Variants in CGN observed in about 807,000 individuals in gnomAD.
The protein encoded by CGN is cingulin.
CGN carries 121 observed loss-of-function variants against 157.1 expected under a neutral mutation model. That is an observed-to-expected ratio of 0.77 (90% CI 0.66 to 0.90). The LOEUF is 0.90. Ranked by LOEUF, CGN falls within the 40% of genes least tolerant of loss-of-function variation. The pLI is 0.00. For missense variants in CGN, 1,424 were observed against 1,520.9 expected, an observed-to-expected ratio of 0.94 and a Z score of 1.06; for synonymous variants, 535 against 607.5, an observed-to-expected ratio of 0.88 and a Z score of 1.76.
At chr1:151,532,612 CTTTTTTTTTTTTT>C in intron 14 of CGN, 40 bp downstream of exon 14, 1 of 536,794 alleles carries the variant, frequency 1.9e-6, no homozygotes, top group Non-Finnish European at 2.5e-6. Flanking sequence ...GTCCTTGCCT[CTTTTTTTTTTTTT>C]TTTTTTTTGT....
chr1:151,518,672 C>G lies in CGN; in HGVS notation c.153C>G (p.Tyr51Ter). Residue 51 changes from tyrosine (Y) to a stop codon, truncating the protein, a stop_gained, in exon 2 of 21, where the codon TAC (tyrosine) becomes TAG (stop). Transcript: ENST00000271636. LOFTEE classifies it high-confidence loss of function. ...CTAAGGATGCAAGAGCCAGTACCTA[C>G]GGGGTTGCTGTGCGTGTGCAGGGAA... ...RPAKDARASTYGVAVRVQGIA... is the reference protein window; with the variant it reads ...RPAKDARAST 1.9e-6 allele frequency: 3 copies of G among 1,614,142 alleles called. No homozygotes were observed. Among genetic ancestry groups the G allele is most frequent in the Non-Finnish European group, 2.5e-6 (3 of 1,180,026 alleles).
In CGN at chr1:151,534,133, C is replaced by T. The variant is rs141191053; in HGVS notation, c.2901C>T (p.Leu967=). 2.9e-4 allele frequency: 451 copies of T among 1,581,250 alleles called. No individual in the cohort carries two copies. The highest frequency in any genetic ancestry group is 3.7e-4 in the Non-Finnish European group (427 of 1,163,304). The change falls in exon 15 of 21, where the codon CTC becomes CTT. Residue 967 remains leucine, a synonymous_variant. Transcript: ENST00000271636. ...ACAGGGCCCGGCAGCTGAAGGGTCT[C>T]GAGGTGAGGGCACTGAGGTGTGACC... ...QDDRARQLKG[L]EEKVSRLETE... is the part of the protein sequence containing the mutation.
At position 151,520,709 on chromosome 1, in the gene CGN, G is replaced by A; in HGVS notation, c.1140+18G>A. ...AGGTGAAGGTAAGGAAAGGTTAGAG[G>A]TGCCGGAGGCATGAAGGAAAACAGG... On this transcript the variant is annotated intron_variant, in intron 5 of 20. Transcript: ENST00000271636. 1.2e-6 allele frequency: 2 copies of A among 1,604,696 alleles called. No homozygotes were observed. Among genetic ancestry groups the A allele is most frequent in the Non-Finnish European group, 8.5e-7 (1 of 1,174,074 alleles).
At chr1:151,529,662 AC>A in intron 11 of CGN, 103 bp downstream of exon 11, 1 of 1,063,600 alleles carries the variant, frequency 9.4e-7, no homozygotes, top group South Asian at 1.6e-5. Flanking sequence ...GTATGTACTG[AC>A]CAGCTCCTGG....
rs765843724 is a variant in CGN at position 151,519,083 on chromosome 1, A to G, written c.564A>G (p.Gln188=). 2.5e-6 allele frequency: 4 copies of G among 1,614,148 alleles called. No individual in the cohort carries two copies. In the East Asian group the frequency reaches 8.9e-5, roughly 36 times the overall value. ...CACTCATCAACAAGTTTGACAGTCA[A>G]CTTGGAGGCCAGGCCCGGGGTCGGA... ...VDSLINKFDS[Q]LGGQARGRTG... The change falls in exon 2 of 21, where the codon CAA becomes CAG. Residue 188 remains glutamine, a synonymous_variant. Coordinates refer to ENST00000271636, the MANE Select transcript of CGN (RefSeq NM_020770.3).
chr1:151,519,479 C>T, intron 2 of CGN, 87 bp downstream of exon 2: 1 of 1,241,510 alleles, frequency 8.1e-7, no homozygotes. Context: ...AGCCTCCTTG[C>T]TAATTCAAAT....
chr1:151,518,663 C>T lies in CGN; in HGVS notation c.144C>T (p.Ala48=). The T allele has an allele frequency of 1.2e-6, 2 of 1,614,182 alleles. No homozygotes were observed. The highest frequency in any genetic ancestry group is 1.7e-6 in the Non-Finnish European group (2 of 1,180,034). The change falls in exon 2 of 21, where the codon GCC becomes GCT. Residue 48 remains alanine (A), a synonymous_variant. Coordinates refer to ENST00000271636, the MANE Select transcript of CGN (RefSeq NM_020770.3). ...GACGCCCAGCTAAGGATGCAAGAGC[C>T]AGTACCTACGGGGTTGCTGTGCGTG... ...GGRRPAKDAR[A]STYGVAVRVQ... is the part of the protein sequence containing the mutation.
At chr1:151,519,892 G>A (rs1664500691) in intron 2 of CGN, among the ~76,000 whole-genome samples, 1 of 152,186 alleles carries the variant, frequency 6.6e-6, no homozygotes, top group Non-Finnish European at 1.5e-5. Flanking sequence ...ATCACTTGTG[G>A]CACAGTTTGC....
In CGN at chr1:151,537,402, G is replaced by T. The variant is rs558115606; in HGVS notation, c.*56G>T. 80 of 1,526,570 alleles carry T rather than the reference G, an allele frequency of 5.2e-5. No individual in the cohort carries two copies. In the Admixed American group the frequency reaches 1.5e-3, roughly 28 times the overall value. 94.6% of individuals were successfully genotyped at this position (1,526,570 alleles called of 1,614,324 possible). On this transcript the variant is annotated 3_prime_UTR_variant, in exon 21 of 21. Coordinates refer to ENST00000271636, the MANE Select transcript of CGN (RefSeq NM_020770.3). ...CTCGAGGCCTATCCCAGCAAGTGCT[G>T]CTCTGCTCTGCCCACCCTGGGTTCT...
chr1:151,526,786 A>G (rs550639557), intron 9 of CGN, among the ~76,000 whole-genome samples, 189 bp from the exon 10 acceptor site: 3 of 151,896 alleles, frequency 2.0e-5, no homozygotes, highest in South Asian at 2.1e-4. Context: ...CTTCCTTTCT[A>G]TCTATGGTAT....
At chr1:151,529,861 G>A (rs770869590) in intron 11 of CGN, 48 bp from the exon 12 acceptor site, 6 of 1,560,224 alleles carry the variant, frequency 3.8e-6, no homozygotes, top group Admixed American at 3.5e-5. Context: ...TGGGGTCTGA[G>A]CTGCCACGCC....
intron 13 of CGN, among the ~76,000 whole-genome samples, chr1:151,531,530 C>T (rs1212229336): frequency 6.6e-6 from 1 of 152,104 alleles, no homozygotes. Flanking sequence ...TGAACCCAGA[C>T]ATCTGTATTC....
rs1453107900 is a variant in CGN at position 151,536,756 on chromosome 1, G to A, written c.3333G>A (p.Lys1111=). The A allele has an allele frequency of 2.5e-6, 4 of 1,614,124 alleles. No homozygotes were observed. In the East Asian group the frequency reaches 8.9e-5, roughly 36 times the overall value. ...DQLSLRVKAL[K]RQVDEAEEEI... is the part of the protein sequence containing the mutation. Reference sequence around the variant, plus strand: ...TAAGCCTGAGGGTGAAGGCTTTGAAGCGTCAGGTGGATGAAGCAGAAGAGG... The same window carrying A: ...TAAGCCTGAGGGTGAAGGCTTTGAAACGTCAGGTGGATGAAGCAGAAGAGG... Residue 1111 remains lysine (K), a synonymous_variant, in exon 20 of 21, where the codon AAG becomes AAA. Coordinates refer to ENST00000271636, the MANE Select transcript of CGN (RefSeq NM_020770.3).
At chr1:151,514,078 A>C (rs1005399448) in intron 1 of CGN, among the ~76,000 whole-genome samples, 4 of 152,200 alleles carry the variant, frequency 2.6e-5, no homozygotes, top group Admixed American at 1.3e-4. Context: ...AAAGGCGGGT[A>C]GGTTTCGGGT....
rs773629961 is a variant in CGN at position 151,537,333 on chromosome 1, C to T, written c.3599C>T (p.Thr1200Ile). ...CTGCTTACGGAGAGCAACCTACAGACCAGCTCCTGTTAGCTCGTGGTCCTC... is the reference window on the plus strand; with the variant it reads ...CTGCTTACGGAGAGCAACCTACAGATCAGCTCCTGTTAGCTCGTGGTCCTC... ...ASLLTESNLQ[T>I]SSC Residue 1200 changes from threonine to isoleucine, a missense_variant, in exon 21 of 21, where the codon ACC becomes ATC. Thr to Ile is a moderately conservative substitution (Grantham distance 89, BLOSUM62 -1). This residue lies in a region of CGN where 38 missense variants were observed against 31.1 expected (regional missense o/e 1.22). Transcript: ENST00000271636. 171 of 1,613,434 alleles carry T rather than the reference C, an allele frequency of 1.1e-4. No individual in the cohort carries two copies. The highest frequency in any genetic ancestry group is 1.3e-4 in the Non-Finnish European group (158 of 1,179,756).
chr1:151,525,019 A>T, intron 8 of CGN, 133 bp downstream of exon 8: 1 of 739,152 alleles, frequency 1.4e-6, no homozygotes, highest in Non-Finnish European at 2.3e-6. Context: ...ACACAGTGAG[A>T]TCTGCTGAAA....
At chr1:151,536,963 T>C (rs1433186907) in intron 20 of CGN, 70 bp downstream of exon 20, 4 of 1,505,050 alleles carry the variant, frequency 2.7e-6, no homozygotes, top group Non-Finnish European at 3.6e-6. Context: ...TCTCCTGTGC[T>C]GGATAAGGAG....
At chr1:151,525,292 G>C in intron 8 of CGN, among the ~76,000 whole-genome samples, 1 of 152,130 alleles carries the variant, frequency 6.6e-6, no homozygotes, top group Non-Finnish European at 1.5e-5. Context: ...CTAGCTACTT[G>C]GGAGGCTAAG....
At chr1:151,525,529 C>A in intron 8 of CGN, 113 bp from the exon 9 acceptor site, 1 of 730,476 alleles carries the variant, frequency 1.4e-6, no homozygotes, top group Non-Finnish European at 2.0e-6. Context: ...TCAGGGGGTG[C>A]ACCTGGCATG....
Sources: allele counts gnomAD v4.1 joint callset (sites outside exome capture counted in the v4.1 genomes callset), GRCh38; gene constraint gnomAD v4.1.1; regional missense constraint gnomAD v4.1.1; transcripts MANE v1.5; gene names NCBI Gene and HGNC (gene_info 2026-07-23, HGNC 2026-07-21).